RBPMS: variants seen among roughly 807,000 people sequenced by gnomAD.
RBPMS encodes RNA-binding protein with multiple splicing.
RBPMS carries 7 observed loss-of-function variants against 26.8 expected under a neutral mutation model. The observed-to-expected ratio is 0.26, with a 90% confidence interval of 0.15 to 0.49. The LOEUF is 0.49. Ranked by LOEUF, RBPMS falls within the 20% of genes least tolerant of loss-of-function variation. The pLI is 0.98. For synonymous variants in RBPMS, 96 were observed against 93.3 expected (o/e 1.03, Z -0.17); for missense variants, 186 against 250.0 (o/e 0.74, Z 1.73).
chr8:30,526,032 A>G (rs1407763014), intron 5 of RBPMS, among the ~76,000 whole-genome samples: 4 of 152,232 alleles, frequency 2.6e-5, no homozygotes, highest in Non-Finnish European at 5.9e-5. Flanking sequence ...ATGAAAAGCC[A>G]TTTCTGATAG....
At chr8:30,420,892 A>T (rs149937559) in intron 1 of RBPMS, among the ~76,000 whole-genome samples, 1 of 152,214 alleles carries the variant, frequency 6.6e-6, no homozygotes, top group Non-Finnish European at 1.5e-5. Flanking sequence ...TCCGGGGTCT[A>T]TCTAGGAACA....
chr8:30,554,085 GTTA>G (rs759287320), intron 6 of RBPMS, among the ~76,000 whole-genome samples: 3 of 152,206 alleles, frequency 2.0e-5, no homozygotes, highest in Non-Finnish European at 2.9e-5. Context: ...CCAAGCTACT[GTTA>G]TTAACTATTT....
Position 30,549,378 on chromosome 8 carries a change from G to A in RBPMS, c.528+4754G>A, listed in dbSNP as rs369816929. 42 of 797,822 alleles carry A rather than the reference G, an allele frequency of 5.3e-5. No individual in the cohort carries two copies. The African/African-American group carries it at 5.9e-4, about 11-fold the overall frequency. 49.4% of individuals were successfully genotyped at this position (797,822 alleles called of 1,614,324 possible). Reference sequence around the variant, plus strand: ...CTGTGGCTGTGGCTATCCGGAAAACGACAGCTTTGAAGGACTGCAGAGCTT... The same window carrying A: ...CTGTGGCTGTGGCTATCCGGAAAACAACAGCTTTGAAGGACTGCAGAGCTT... On this transcript the variant is annotated intron_variant, in intron 6 of 8. Transcript: ENST00000397323.
intron 4 of RBPMS, among the ~76,000 whole-genome samples, chr8:30,485,543 A>G (rs1441877559): frequency 1.3e-5 from 2 of 152,204 alleles, no homozygotes; most frequent in Non-Finnish European, 2.9e-5. Flanking sequence ...TGACTTGCAG[A>G]CTTTTAAGGC....
At chr8:30,421,174 T>A (rs770335152) in intron 1 of RBPMS, among the ~76,000 whole-genome samples, 23 of 151,540 alleles carry the variant, frequency 1.5e-4, no homozygotes, top group Non-Finnish European at 2.8e-4. Flanking sequence ...TGAGAGAGAG[T>A]GTGTGTGTGT....
chr8:30,427,770 C>T (rs1021642263), intron 1 of RBPMS, among the ~76,000 whole-genome samples: 11 of 152,156 alleles, frequency 7.2e-5, no homozygotes, highest in African/African-American at 2.7e-4. Context: ...GGGGTTAGAA[C>T]ACAGGACGCA....
intron 5 of RBPMS, among the ~76,000 whole-genome samples, chr8:30,527,342 C>T (rs1425081089): frequency 6.6e-6 from 1 of 152,178 alleles, no homozygotes; most frequent in Non-Finnish European, 1.5e-5. Context: ...CCTGGGAAAC[C>T]TTTTCTGGGG....
intron 6 of RBPMS, chr8:30,549,419 C>T: frequency 4.1e-6 from 5 of 1,230,762 alleles, no homozygotes; most frequent in Non-Finnish European, 6.0e-6. Flanking sequence ...TGGGGCTGTT[C>T]TGCCCAAGGC....
chr8:30,422,413 C>T (rs1382428035), intron 1 of RBPMS, among the ~76,000 whole-genome samples: 3 of 151,928 alleles, frequency 2.0e-5, no homozygotes, highest in Non-Finnish European at 4.4e-5. Flanking sequence ...TGCGCCTGGC[C>T]GAAATTTTCT....
At chr8:30,454,145 A>G (rs1814931509) in intron 1 of RBPMS, among the ~76,000 whole-genome samples, 1 of 152,218 alleles carries the variant, frequency 6.6e-6, no homozygotes, top group Non-Finnish European at 1.5e-5. Context: ...CCCCAGCAGC[A>G]GTAAAGAGGC....
intron 1 of RBPMS, among the ~76,000 whole-genome samples, chr8:30,386,296 C>T (rs1451004165): frequency 6.6e-6 from 1 of 152,134 alleles, no homozygotes; most frequent in Non-Finnish European, 1.5e-5. Flanking sequence ...CAGAGGAATT[C>T]ATTAATACAT....
chr8:30,455,166 T>C (rs1815055734), intron 1 of RBPMS, among the ~76,000 whole-genome samples: 1 of 152,226 alleles, frequency 6.6e-6, no homozygotes, highest in South Asian at 2.1e-4. Flanking sequence ...GTTTAAATTC[T>C]TGCTTATGAT....
At chr8:30,535,829 A>T (rs1346825604) in intron 5 of RBPMS, among the ~76,000 whole-genome samples, 1 of 152,178 alleles carries the variant, frequency 6.6e-6, no homozygotes, top group East Asian at 1.9e-4. Context: ...GAGATCCTTA[A>T]AAATGTTCAT....
chr8:30,511,639 A>G (rs925446649), intron 5 of RBPMS, among the ~76,000 whole-genome samples: 7 of 150,364 alleles, frequency 4.7e-5, no homozygotes, highest in South Asian at 2.1e-4. Flanking sequence ...GTGTGTGTGT[A>G]TATAGATACA....
intron 6 of RBPMS, chr8:30,556,519 G>C (rs758568830): frequency 1.0e-6 from 1 of 986,272 alleles, no homozygotes; most frequent in Non-Finnish European, 1.2e-6. Flanking sequence ...CCCCTCCTGT[G>C]TCTCCTGTGA....
intron 1 of RBPMS, among the ~76,000 whole-genome samples, chr8:30,415,956 C>T (rs1296552087): frequency 6.6e-6 from 1 of 152,156 alleles, no homozygotes; most frequent in Non-Finnish European, 1.5e-5. Context: ...TAAGTTTTAA[C>T]GTAACACAAT....
At chr8:30,539,147 A>T (rs1825118491) in intron 5 of RBPMS, among the ~76,000 whole-genome samples, 1 of 152,138 alleles carries the variant, frequency 6.6e-6, no homozygotes. Context: ...TATTCCTATT[A>T]AAAATGGAAT....
At chr8:30,392,943 G>A (rs1244346493) in intron 1 of RBPMS, among the ~76,000 whole-genome samples, 1 of 152,186 alleles carries the variant, frequency 6.6e-6, no homozygotes, top group African/African-American at 2.4e-5. Flanking sequence ...ATAATTGAAA[G>A]CGTGCATACT....
At chr8:30,427,622 A>G (rs1811500649) in intron 1 of RBPMS, among the ~76,000 whole-genome samples, 1 of 152,064 alleles carries the variant, frequency 6.6e-6, no homozygotes, top group African/African-American at 2.4e-5. Context: ...CATACATATC[A>G]TGTTGTAATT....
Sources: gnomAD v4.1 joint callset for allele counts (sites outside exome capture counted in the v4.1 genomes callset) on GRCh38, gnomAD v4.1.1 for gene constraint, MANE v1.5 for transcripts, NCBI Gene and HGNC (gene_info 2026-07-23, HGNC 2026-07-21) for gene names.